The following DNAJB1 variants were observed in gnomAD, a reference collection of about 807,000 sequenced individuals.
DNAJB1 encodes dnaJ homolog subfamily B member 1.
A neutral mutation model predicts 24.0 loss-of-function variants in DNAJB1; 14 were observed. That is an observed-to-expected ratio of 0.58 (90% CI 0.39 to 0.91). The LOEUF (loss-of-function observed/expected upper bound fraction) is 0.91, where lower values mean the gene tolerates loss of function less well. Ranked by LOEUF, DNAJB1 falls within the 40% of genes least tolerant of loss-of-function variation. The pLI is 0.00. For missense variants in DNAJB1, 517 were observed against 458.1 expected, an observed-to-expected ratio of 1.13 and a Z score of -1.17; for synonymous variants, 262 against 174.4, an observed-to-expected ratio of 1.50 and a Z score of -3.96.
At chr19:14,536,843 A>C (rs1176035896) in intron 1 of DNAJB1, 1 of 151,900 alleles carries the variant, frequency 6.6e-6, no homozygotes, top group Non-Finnish European at 1.5e-5. Flanking sequence ...GCATCGTATG[A>C]GCAGATACAT....
chr19:14,559,504 T>A (rs1049089352), intron 1 of DNAJB1, among the ~76,000 whole-genome samples: 1 of 152,016 alleles, frequency 6.6e-6, no homozygotes, highest in African/African-American at 2.4e-5. Flanking sequence ...GAAATAATTA[T>A]AGGCCGGGCC....
chr19:14,527,791 T>A (rs1386378759), exon 2 of DNAJB1: 1 of 152,202 alleles, frequency 6.6e-6, no homozygotes, highest in Non-Finnish European at 1.5e-5. Flanking sequence ...CAACAGCTCA[T>A]GAAAGCTCAG....
At chr19:14,532,142 A>G (rs1207502121), upstream of DNAJB1, 1 of 152,096 alleles carries the variant, frequency 6.6e-6, no homozygotes, top group Non-Finnish European at 1.5e-5. Context: ...GCCTCTGAGC[A>G]CCCTGGGGGT....
intron 1 of DNAJB1, chr19:14,517,597 A>T (rs1052216001): frequency 1.3e-5 from 2 of 154,442 alleles, no homozygotes; most frequent in African/African-American, 4.8e-5. Context: ...TTACCCTCCG[A>T]GGCGGCCCCG....
upstream of DNAJB1, among the ~76,000 whole-genome samples, chr19:14,522,687 C>CACAGACAG (rs762546547): frequency 2.8e-5 from 2 of 71,716 alleles, no homozygotes; most frequent in African/African-American, 7.8e-5. Context: ...CACACAGACA[C>CACAGACAG]ACACACACAC....
intron 1 of DNAJB1, chr19:14,517,248 G>A: frequency 1.7e-6 from 1 of 586,066 alleles, no homozygotes; most frequent in Non-Finnish European, 3.0e-6. Flanking sequence ...CGCGTAGCCT[G>A]ACAGTGGAAA....
At chr19:14,535,779 G>GA (rs1555729629) in intron 1 of DNAJB1, among the ~76,000 whole-genome samples, 7 of 114,364 alleles carry the variant, frequency 6.1e-5, no homozygotes, top group Non-Finnish European at 1.4e-4. Flanking sequence ...AAAAAAAAAG[G>GA]GAAAGTGGTG....
At chr19:14,519,664 C>T (rs10415386), upstream of DNAJB1, among the ~76,000 whole-genome samples, 23,952 of 152,164 alleles carry the variant, frequency 0.16, 2,072 homozygotes, top group African/African-American at 0.22. Flanking sequence ...GGGCCAGGTC[C>T]TGTCTGCACT....
In DNAJB1 at chr19:14,514,865, G is replaced by C. The variant is rs1289818694; in HGVS notation, c.*1075C>G. 4 of 152,608 alleles carry C rather than the reference G, an allele frequency of 2.6e-5. No homozygotes were observed. Among genetic ancestry groups the C allele is most frequent in the Non-Finnish European group, 5.9e-5 (4 of 68,060 alleles). 9.5% of individuals were successfully genotyped at this position (152,608 alleles called of 1,614,324 possible). A position where few individuals can be genotyped will look rare whatever the true frequency, so the allele number is the denominator to read the frequency against. The stretch of plus-strand genomic sequence containing the variant: ...AGTGGCAACTTACAATGAGTCTAAA[G>C]GTCTGAGCACTGGACTGGCCTCCAG... On this transcript the variant is annotated 3_prime_UTR_variant, in exon 3 of 3. Transcript: ENST00000254322.
At chr19:14,552,445 C>T (rs1444630292), upstream of DNAJB1, among the ~76,000 whole-genome samples, 3 of 152,126 alleles carry the variant, frequency 2.0e-5, no homozygotes. Flanking sequence ...ATGGGCACTT[C>T]CAGGCTACTT....
At chr19:14,532,061 T>C (rs1478205567), upstream of DNAJB1, 1 of 151,452 alleles carries the variant, frequency 6.6e-6, no homozygotes, top group Non-Finnish European at 1.5e-5. Flanking sequence ...AACATGCAGT[T>C]TGGAACATCC....
At chr19:14,524,845 C>CATAAAAAAAAAA (rs2072400862) in intron 2 of DNAJB1, among the ~76,000 whole-genome samples, 1 of 112,200 alleles carries the variant, frequency 8.9e-6, no homozygotes, top group African/African-American at 4.1e-5. Context: ...GACTCGTTCT[C>CATAAAAAAAAAA]AAAAAAAAAA....
intron 1 of DNAJB1, among the ~76,000 whole-genome samples, chr19:14,549,211 CTTTTT>C (rs561284094): frequency 9.0e-6 from 1 of 111,162 alleles, no homozygotes; most frequent in African/African-American, 3.6e-5. Context: ...TTTAATTGGA[CTTTTT>C]TTTTTTTTTT....
At chr19:14,524,382 A>G (rs184629007) in intron 2 of DNAJB1, among the ~76,000 whole-genome samples, 1 of 152,132 alleles carries the variant, frequency 6.6e-6, no homozygotes, top group East Asian at 1.9e-4. Context: ...TGACAAAGAA[A>G]TAAGCTGGGC....
At chr19:14,519,682 C>T (rs1397289595), upstream of DNAJB1, among the ~76,000 whole-genome samples, 1 of 152,206 alleles carries the variant, frequency 6.6e-6, no homozygotes, top group Non-Finnish European at 1.5e-5. Context: ...ACTGGGTCCC[C>T]AGTGCCTGGA....
chr19:14,519,033 G>C (rs1599383086), upstream of DNAJB1, among the ~76,000 whole-genome samples: 4 of 152,314 alleles, frequency 2.6e-5, no homozygotes, highest in South Asian at 8.3e-4. Flanking sequence ...AGGAGTTGGA[G>C]ACCAGCCTAG....
intron 1 of DNAJB1, among the ~76,000 whole-genome samples, chr19:14,539,140 A>ATTTTTTTTT (rs57801378): frequency 2.2e-5 from 2 of 92,532 alleles, no homozygotes; most frequent in Non-Finnish European, 3.9e-5. Context: ...CGCCCGGCTA[A>ATTTTTTTTT]TTTTTTTTTT....
chr19:14,529,683 C>T (rs956484051), upstream of DNAJB1: 5 of 1,613,784 alleles, frequency 3.1e-6, no homozygotes, highest in African/African-American at 4.0e-5. Flanking sequence ...CAGTAGCCGC[C>T]GTGGGAGGGA....
Position 14,545,510 on chromosome 19 carries a change from G to A in DNAJB1, c.-214+4698C>T, listed in dbSNP as rs114240054. Among the ~76,000 whole-genome samples, 1,061 of 152,246 alleles carry A rather than the reference G, an allele frequency of 7.0e-3. 15 individuals are homozygous for A. Among genetic ancestry groups the A allele is most frequent in the African/African-American group, 0.024 (1,014 of 41,540 alleles). ...CCTTGAGCACCAGCAAGCCTAGGGG[G>A]TGGGGGGGATAGCCTCTCTCAGTCG... On this transcript the variant is annotated intron_variant, in intron 1 of 3. Coordinates refer to the DNAJB1 transcript ENST00000676982.
Sources: gnomAD v4.1 joint callset for allele counts (sites outside exome capture counted in the v4.1 genomes callset) on GRCh38, gnomAD v4.1.1 for gene constraint, MANE v1.5 for transcripts, NCBI Gene and HGNC (gene_info 2026-07-23, HGNC 2026-07-21) for gene names.